Variants in ARFGEF3 observed in about 807,000 individuals in gnomAD.
ARFGEF3 encodes ARFGEF family member 3.
In ARFGEF3, 96 loss-of-function variants were observed where a neutral mutation model predicts 221.7. The observed-to-expected ratio is 0.43, with a 90% confidence interval of 0.37 to 0.51. The LOEUF (loss-of-function observed/expected upper bound fraction) is 0.51. Ranked by LOEUF, ARFGEF3 falls within the 20% of genes least tolerant of loss-of-function variation. ARFGEF3 has a pLI of 0.00. For missense variants in ARFGEF3, 2,410 were observed against 2,789.9 expected (o/e 0.86, Z 3.07); for synonymous variants, 1,145 against 1,126.8 (o/e 1.02, Z -0.32).
intron 1 of ARFGEF3, among the ~76,000 whole-genome samples, chr6:138,164,991 T>C (rs751936982): frequency 6.6e-6 from 1 of 151,558 alleles, no homozygotes; most frequent in Non-Finnish European, 1.5e-5. Context: ...TAGACCCTCA[T>C]AGGAGCAAGG....
chr6:138,332,045 G>A (rs1780236473), intron 32 of ARFGEF3, among the ~76,000 whole-genome samples: 1 of 151,972 alleles, frequency 6.6e-6, no homozygotes, highest in South Asian at 2.1e-4. Flanking sequence ...ATTCAGACAT[G>A]GCTTTGCATT....
chr6:138,263,203 A>G lies in ARFGEF3; in HGVS notation c.1720A>G (p.Ile574Val). ...AAGCCACACGGTCCCTTACCCTGAC[A>G]TAACTAACTTCCTGTCAGTAGACTG... ...QRSHTVPYPD[I>V]TNFLSVDCRT... The change falls in exon 12 of 34, where the codon ATA becomes GTA. Residue 574 changes from isoleucine (I) to valine (V), a missense_variant. Coordinates refer to ENST00000251691, the MANE Select transcript of ARFGEF3 (RefSeq NM_020340.5). 1 of 1,614,038 alleles carries G rather than the reference A, an allele frequency of 6.2e-7. No individual in the cohort carries two copies. Among genetic ancestry groups the G allele is most frequent in the Middle Eastern group, 1.6e-4 (1 of 6,062 alleles).
At chr6:138,256,290 G>C (rs913574038) in intron 10 of ARFGEF3, among the ~76,000 whole-genome samples, 28 of 152,168 alleles carry the variant, frequency 1.8e-4, no homozygotes, top group African/African-American at 6.5e-4. Flanking sequence ...AGCCATCCCA[G>C]TGTGCTACTT....
At position 138,323,740 on chromosome 6, in the gene ARFGEF3, A is replaced by G. The variant is rs1408427773; in HGVS notation, c.4836A>G (p.Gln1612=). 3 of 1,614,014 alleles carry G rather than the reference A, an allele frequency of 1.9e-6. No homozygotes were observed. Among genetic ancestry groups the G allele is most frequent in the Admixed American group, 3.3e-5 (2 of 60,030 alleles). Residue 1612 remains glutamine (Q), a synonymous_variant, in exon 30 of 34, where the codon CAA becomes CAG. Transcript: ENST00000251691. ...GGAGGCTTGCCTGCTGTGCCCTGCA[A>G]GATGCGTTCTCTGCCACACTCAAGC... ...EMWRLACCAL[Q]DAFSATLKPV...
In ARFGEF3 at chr6:138,309,752, G is replaced by T. The variant is rs182428554; in HGVS notation, c.4096+891G>T. On this transcript the variant is annotated intron_variant, in intron 24 of 33. Transcript: ENST00000251691. Reference sequence around the variant, plus strand: ...ACTCTTAATCCAAAGCCAGAGGCTCGAGAACCTGTAGTTCTAAGACAAGAG... The same window carrying T: ...ACTCTTAATCCAAAGCCAGAGGCTCTAGAACCTGTAGTTCTAAGACAAGAG... 2.0e-5 allele frequency among the ~76,000 whole-genome samples: 3 copies of T among 152,194 alleles called. No individual in the cohort carries two copies. In the South Asian group the frequency reaches 6.2e-4, roughly 32 times the overall value.
At chr6:138,261,444 G>A (rs1451649112) in intron 10 of ARFGEF3, 83 bp from the exon 11 acceptor site, 1 of 776,128 alleles carries the variant, frequency 1.3e-6, no homozygotes, top group Non-Finnish European at 2.1e-6. Context: ...GAAAGTACAT[G>A]TTTTTTTGAT....
chr6:138,226,728 G>A (rs919740123), intron 4 of ARFGEF3, among the ~76,000 whole-genome samples: 29 of 152,230 alleles, frequency 1.9e-4, no homozygotes, highest in African/African-American at 7.0e-4. Context: ...TGCAATGGAA[G>A]TCAGATGATT....
intron 10 of ARFGEF3, among the ~76,000 whole-genome samples, chr6:138,256,682 G>A (rs1361270535): frequency 6.6e-6 from 1 of 152,092 alleles, no homozygotes; most frequent in East Asian, 1.9e-4. Flanking sequence ...ATGAGCCCAC[G>A]ATAATAATTA....
At chr6:138,169,500 A>G (rs1345226810) in intron 1 of ARFGEF3, among the ~76,000 whole-genome samples, 1 of 152,116 alleles carries the variant, frequency 6.6e-6, no homozygotes, top group African/African-American at 2.4e-5. Flanking sequence ...CTGGTTGTTC[A>G]CTGTCACTGC....
chr6:138,326,677 T>G (rs151098538), intron 31 of ARFGEF3, among the ~76,000 whole-genome samples: 34 of 152,266 alleles, frequency 2.2e-4, no homozygotes, highest in African/African-American at 8.2e-4. Context: ...ATAAATTAGT[T>G]TAACCATTGT....
At chr6:138,277,215 G>A (rs953086929) in intron 12 of ARFGEF3, among the ~76,000 whole-genome samples, 5 of 152,110 alleles carry the variant, frequency 3.3e-5, no homozygotes, top group African/African-American at 1.2e-4. Flanking sequence ...GCTTCATAGA[G>A]TGCATCATAT....
At chr6:138,277,223 T>C (rs985808908) in intron 12 of ARFGEF3, among the ~76,000 whole-genome samples, 21 of 152,220 alleles carry the variant, frequency 1.4e-4, no homozygotes, top group African/African-American at 4.6e-4. Flanking sequence ...GAGTGCATCA[T>C]ATATATTTGT....
Position 138,338,659 on chromosome 6 carries a change from G to A in ARFGEF3, c.*2173G>A, listed in dbSNP as rs779503877. 1 of 152,144 alleles carries A rather than the reference G, an allele frequency of 6.6e-6. No homozygotes were observed. Among genetic ancestry groups the A allele is most frequent in the Non-Finnish European group, 1.5e-5 (1 of 68,072 alleles). 9.4% of individuals were successfully genotyped at this position (152,144 alleles called of 1,614,324 possible). ...TACTAAAAATACAAAAATTAGCCAG[G>A]TGTGGTAGGATGCACCTGTAATCCC... On this transcript the variant is annotated 3_prime_UTR_variant, in exon 34 of 34. Transcript: ENST00000251691.
intron 17 of ARFGEF3, 59 bp from the exon 18 acceptor site, chr6:138,289,759 T>C (rs1779364826): frequency 2.6e-6 from 4 of 1,545,156 alleles, no homozygotes; most frequent in Non-Finnish European, 3.5e-6. Context: ...TCTTTCATTT[T>C]CATTCTTTCT....
Position 138,226,241 on chromosome 6 carries a change from C to T in ARFGEF3, c.352-3543C>T, listed in dbSNP as rs114552688. Among the ~76,000 whole-genome samples the T allele has an allele frequency of 6.3e-3, 954 of 152,338 alleles. 10 individuals are homozygous for T. Among genetic ancestry groups the T allele is most frequent in the African/African-American group, 0.022 (901 of 41,586 alleles). ...TCATTATCTGTCCACATCCATCCCTCTCTCATATTAACGTGACCACATTTT... is the reference window on the plus strand; with the variant it reads ...TCATTATCTGTCCACATCCATCCCTTTCTCATATTAACGTGACCACATTTT... On this transcript the variant is annotated intron_variant, in intron 4 of 33. Coordinates refer to ENST00000251691, the MANE Select transcript of ARFGEF3 (RefSeq NM_020340.5).
intron 12 of ARFGEF3, among the ~76,000 whole-genome samples, 186 bp downstream of exon 12, chr6:138,263,797 A>G (rs1323347107): frequency 6.6e-6 from 1 of 152,220 alleles, no homozygotes; most frequent in Non-Finnish European, 1.5e-5. Flanking sequence ...TGAATTCTAC[A>G]GCAGTCGATG....
chr6:138,289,787 T>C (rs1189883205), intron 17 of ARFGEF3, 31 bp from the exon 18 acceptor site: 2 of 1,602,168 alleles, frequency 1.2e-6, no homozygotes, highest in Admixed American at 3.5e-5. Context: ...TTACTCAACC[T>C]GTTATTTTAA....
chr6:138,314,257 C>G (rs774090349), intron 26 of ARFGEF3, among the ~76,000 whole-genome samples: 13 of 152,084 alleles, frequency 8.5e-5, no homozygotes, highest in Non-Finnish European at 1.6e-4. Context: ...GATCAGGAAC[C>G]CACTCCCAAG....
chr6:138,333,845 G>A, intron 32 of ARFGEF3, 125 bp from the exon 33 acceptor site: 5 of 1,054,986 alleles, frequency 4.7e-6, no homozygotes, highest in Non-Finnish European at 6.7e-6. Context: ...GAAGACATTT[G>A]AGTAGAGGTA....
Sources: allele counts gnomAD v4.1 joint callset (sites outside exome capture counted in the v4.1 genomes callset), GRCh38; gene constraint gnomAD v4.1.1; transcripts MANE v1.5; gene names NCBI Gene and HGNC (gene_info 2026-07-23, HGNC 2026-07-21).